ARHGAP20: variants seen among roughly 807,000 people sequenced by gnomAD.
The protein encoded by ARHGAP20 is Rho GTPase activating protein 20, also known as rho GTPase-activating protein 20.
Under a neutral mutation model 73.7 loss-of-function variants are expected in ARHGAP20, and 34 were observed. The observed-to-expected ratio is 0.46, with a 90% CI of 0.35 to 0.61. The LOEUF is 0.61. Ranked by LOEUF, ARHGAP20 falls within the 20% of genes least tolerant of loss-of-function variation. The probability of loss-of-function intolerance (pLI) is 0.00; values close to 1 mark genes in which losing one functional copy is unlikely to be tolerated. For synonymous variants in ARHGAP20, 523 were observed against 518.2 expected (o/e 1.01, Z -0.13); for missense variants, 1,314 against 1,420.9 (o/e 0.92, Z 1.21).
intron 1 of ARHGAP20, among the ~76,000 whole-genome samples, chr11:110,706,707 AT>A (rs2135155057): frequency 6.6e-6 from 1 of 152,258 alleles, no homozygotes; most frequent in South Asian, 2.1e-4. Context: ...GATAGGGGTC[AT>A]TACCCCATTT....
intron 2 of ARHGAP20, among the ~76,000 whole-genome samples, chr11:110,661,842 T>G (rs1949619894): frequency 1.3e-5 from 2 of 152,034 alleles, no homozygotes; most frequent in South Asian, 4.1e-4. Context: ...TGGTAATATT[T>G]AACAAGATAG....
intron 2 of ARHGAP20, among the ~76,000 whole-genome samples, chr11:110,660,765 C>G (rs980512324): frequency 6.6e-6 from 1 of 152,094 alleles, no homozygotes. Context: ...TTTGAATGTC[C>G]TGTGTATGAT....
chr11:110,698,534 T>C (rs1950381447), intron 1 of ARHGAP20, among the ~76,000 whole-genome samples: 1 of 151,894 alleles, frequency 6.6e-6, no homozygotes, highest in South Asian at 2.1e-4. Flanking sequence ...CAACTGTGAA[T>C]CTGTCTGGTC....
chr11:110,664,109 A>G (rs1430250684), intron 2 of ARHGAP20, among the ~76,000 whole-genome samples: 1 of 152,166 alleles, frequency 6.6e-6, no homozygotes, highest in Non-Finnish European at 1.5e-5. Flanking sequence ...CTTTCCTCCT[A>G]ATATTAGGAA....
At chr11:110,643,741 G>A (rs1949124391) in intron 2 of ARHGAP20, among the ~76,000 whole-genome samples, 1 of 151,884 alleles carries the variant, frequency 6.6e-6, no homozygotes, top group Non-Finnish European at 1.5e-5. Context: ...TGTGGTTGTT[G>A]GGTAGAGTAT....
At chr11:110,683,506 C>T (rs1950074708) in intron 2 of ARHGAP20, among the ~76,000 whole-genome samples, 1 of 152,126 alleles carries the variant, frequency 6.6e-6, no homozygotes, top group African/African-American at 2.4e-5. Context: ...AATTTATTCA[C>T]TAATTCATCC....
intron 2 of ARHGAP20, among the ~76,000 whole-genome samples, chr11:110,672,176 T>C (rs974886321): frequency 6.6e-6 from 1 of 152,252 alleles, no homozygotes; most frequent in East Asian, 1.9e-4. Flanking sequence ...GACTTTATCA[T>C]AATTAAAAAC....
intron 2 of ARHGAP20, among the ~76,000 whole-genome samples, chr11:110,669,684 G>A (rs1949791458): frequency 6.6e-6 from 1 of 152,116 alleles, no homozygotes; most frequent in Non-Finnish European, 1.5e-5. Flanking sequence ...AAGATGTGGA[G>A]CAACTGTAAC....
At chr11:110,709,860 G>A (rs181510555) in intron 1 of ARHGAP20, among the ~76,000 whole-genome samples, 1 of 152,336 alleles carries the variant, frequency 6.6e-6, no homozygotes, top group East Asian at 1.9e-4. Context: ...CATTTTAAAA[G>A]ATTATTCTGG....
At chr11:110,668,686 T>C (rs1387292331) in intron 2 of ARHGAP20, among the ~76,000 whole-genome samples, 2 of 151,984 alleles carry the variant, frequency 1.3e-5, no homozygotes, top group Non-Finnish European at 2.9e-5. Flanking sequence ...AAAGAAAATA[T>C]ATAATGCCAT....
rs997470897 is a variant in ARHGAP20 at position 110,584,718 on chromosome 11, A to G, written c.1416-981T>C. On this transcript the variant is annotated intron_variant, in intron 12 of 14. Coordinates refer to ENST00000683387, the MANE Select transcript of ARHGAP20 (RefSeq NM_001384657.1). ...AGTTATAACTAACTGATAGCAGTGCATCTAATACTTGTCTAAAGATGTGAA... is the reference window on the plus strand; with the variant it reads ...AGTTATAACTAACTGATAGCAGTGCGTCTAATACTTGTCTAAAGATGTGAA... 1.1e-4 allele frequency among the ~76,000 whole-genome samples: 16 copies of G among 152,196 alleles called. 1 individual carries two copies. Among genetic ancestry groups the G allele is most frequent in the Admixed American group, 5.2e-4 (8 of 15,288 alleles).
In ARHGAP20 at chr11:110,712,280, A is replaced by G. The variant is rs1950682528; in HGVS notation, c.-49T>C. 2.4e-6 allele frequency: 3 copies of G among 1,261,668 alleles called. No homozygotes were observed. Among genetic ancestry groups the G allele is most frequent in the South Asian group, 3.1e-5 (1 of 32,602 alleles). 78.2% of individuals were successfully genotyped at this position (1,261,668 alleles called of 1,614,324 possible). A position where few individuals can be genotyped will look rare whatever the true frequency, so the allele number is the denominator to read the frequency against. On this transcript the variant is annotated 5_prime_UTR_variant, in exon 1 of 15. It removes an upstream start codon present in the reference 5' UTR. Transcript: ENST00000683387. ...CAGCCCAGGAGGAGGCTACACGATC[A>G]TGTCCGCGGGCTGCCGGCCGGAGGG...
chr11:110,608,481 G>A (rs552225931), intron 8 of ARHGAP20, among the ~76,000 whole-genome samples: 1 of 152,210 alleles, frequency 6.6e-6, no homozygotes, highest in South Asian at 2.1e-4. Context: ...ACTTTTAGGA[G>A]TCTAAATGGG....
chr11:110,608,813 A>T (rs1459866218), intron 8 of ARHGAP20, among the ~76,000 whole-genome samples, 171 bp downstream of exon 8: 2 of 152,130 alleles, frequency 1.3e-5, no homozygotes, highest in Non-Finnish European at 2.9e-5. Flanking sequence ...ATGAGGAGAT[A>T]TTATTTGTCT....
chr11:110,704,420 T>C (rs1461217538), intron 1 of ARHGAP20, among the ~76,000 whole-genome samples: 1 of 152,186 alleles, frequency 6.6e-6, no homozygotes, highest in Non-Finnish European at 1.5e-5. Flanking sequence ...TTGTGTCATG[T>C]GACAGGTGTC....
intron 11 of ARHGAP20, among the ~76,000 whole-genome samples, chr11:110,590,243 G>A (rs928176242): frequency 6.6e-6 from 1 of 151,580 alleles, no homozygotes; most frequent in Non-Finnish European, 1.5e-5. Flanking sequence ...TTCTTTAACT[G>A]TTTTCAAATG....
At chr11:110,668,711 G>A (rs547076267) in intron 2 of ARHGAP20, among the ~76,000 whole-genome samples, 2 of 152,170 alleles carry the variant, frequency 1.3e-5, no homozygotes, top group South Asian at 4.1e-4. Flanking sequence ...ACACTTAATA[G>A]ACTACAATAT....
chr11:110,682,331 T>C (rs1950052933), intron 2 of ARHGAP20, among the ~76,000 whole-genome samples: 1 of 152,186 alleles, frequency 6.6e-6, no homozygotes, highest in South Asian at 2.1e-4. Flanking sequence ...ACTTTAGATA[T>C]ATAAGACTCA....
intron 2 of ARHGAP20, among the ~76,000 whole-genome samples, chr11:110,652,389 T>A (rs1949375748): frequency 6.6e-6 from 1 of 151,902 alleles, no homozygotes; most frequent in Non-Finnish European, 1.5e-5. Flanking sequence ...CTGGCCAGGG[T>A]GATCAGGCAA....
Sources: gnomAD v4.1 joint callset for allele counts (sites outside exome capture counted in the v4.1 genomes callset) on GRCh38, gnomAD v4.1.1 for gene constraint, MANE v1.5 for transcripts, NCBI Gene and HGNC (gene_info 2026-07-23, HGNC 2026-07-21) for gene names.